The following LIPA variants were observed in gnomAD, a reference collection of about 807,000 sequenced individuals.
LIPA encodes lysosomal acid lipase/cholesteryl ester hydrolase.
A neutral mutation model predicts 40.6 loss-of-function variants in LIPA; 26 were observed. The observed-to-expected ratio is 0.64, with a 90% CI of 0.47 to 0.89. The LOEUF (loss-of-function observed/expected upper bound fraction) is 0.89. Among genes scored for constraint, LIPA ranks in the 40% least tolerant of loss-of-function variants. The pLI, the probability that LIPA is intolerant of heterozygous loss-of-function variation, is 0.00. For synonymous variants in LIPA, 188 were observed against 168.4 expected (o/e 1.12, Z -0.90); for missense variants, 455 against 479.6 (o/e 0.95, Z 0.48).
chr10:89,395,970 TTATC>T (rs1432445166), intron 2 of LIPA, among the ~76,000 whole-genome samples: 2 of 152,232 alleles, frequency 1.3e-5, no homozygotes, highest in Admixed American at 1.3e-4. Context: ...TTACATTTTT[TTATC>T]TATCAGTTGG....
intron 2 of LIPA, among the ~76,000 whole-genome samples, chr10:89,353,653 GT>G (rs1843971976): frequency 1.3e-5 from 2 of 152,172 alleles, no homozygotes; most frequent in African/African-American, 4.8e-5. Flanking sequence ...AATCTCTTAA[GT>G]TACCCACTTG....
intron 1 of LIPA, among the ~76,000 whole-genome samples, chr10:89,280,173 C>T (rs1843307872): frequency 6.6e-6 from 1 of 152,048 alleles, no homozygotes; most frequent in Admixed American, 6.5e-5. Context: ...GTGATTAAAG[C>T]ACATTATGAT....
intron 3 of LIPA, 50 bp from the exon 4 acceptor site, chr10:89,228,448 A>C: frequency 7.1e-7 from 1 of 1,416,806 alleles, no homozygotes; most frequent in African/African-American, 1.4e-5. Flanking sequence ...CTTCAAAACA[A>C]ATATGATATC....
At chr10:89,265,175 G>A (rs1202600100) in intron 1 of LIPA, among the ~76,000 whole-genome samples, 1 of 151,300 alleles carries the variant, frequency 6.6e-6, no homozygotes. Context: ...AGGCACTTCT[G>A]AGCTTGCAGG....
At chr10:89,367,895 T>C (rs1316209437) in intron 2 of LIPA, among the ~76,000 whole-genome samples, 2 of 152,180 alleles carry the variant, frequency 1.3e-5, no homozygotes, top group Non-Finnish European at 2.9e-5. Context: ...CATAGCTCGA[T>C]GCAGCCTCGA....
At chr10:89,352,619 C>G (rs1843965745) in intron 2 of LIPA, among the ~76,000 whole-genome samples, 1 of 151,942 alleles carries the variant, frequency 6.6e-6, no homozygotes, top group African/African-American at 2.4e-5. Flanking sequence ...TTTTTCCTGC[C>G]CACTGCACAA....
intron 3 of LIPA, among the ~76,000 whole-genome samples, chr10:89,230,573 G>A (rs976627301): frequency 7.2e-5 from 11 of 152,174 alleles, no homozygotes; most frequent in Non-Finnish European, 1.3e-4. Flanking sequence ...CCCAAAGTGC[G>A]GGGTTTACAG....
chr10:89,403,960 A>G, intron 2 of LIPA: 1 of 362,102 alleles, frequency 2.8e-6, no homozygotes, highest in South Asian at 8.8e-5. Flanking sequence ...TTAACTTTGT[A>G]GGAAATAAAA....
chr10:89,289,113 A>G (rs1055583124), intron 1 of LIPA, among the ~76,000 whole-genome samples: 2 of 61,398 alleles, frequency 3.3e-5, no homozygotes, highest in African/African-American at 9.8e-5. Flanking sequence ...CTCCTTCTCA[A>G]TGGTCACTCC....
At chr10:89,332,395 A>G in intron 1 of LIPA, 2 of 1,036,326 alleles carry the variant, frequency 1.9e-6, no homozygotes, top group Non-Finnish European at 2.6e-6. Flanking sequence ...TGTCTGGAAC[A>G]TGTTCCTGGC....
intron 1 of LIPA, among the ~76,000 whole-genome samples, chr10:89,272,144 A>G (rs529088398): frequency 1.3e-5 from 2 of 152,174 alleles, no homozygotes; most frequent in East Asian, 1.9e-4. Context: ...GGTTTGTTAC[A>G]TAGGTAAATG....
At chr10:89,392,918 T>C (rs548784611) in intron 2 of LIPA, among the ~76,000 whole-genome samples, 1 of 152,340 alleles carries the variant, frequency 6.6e-6, no homozygotes, top group East Asian at 1.9e-4. Flanking sequence ...TTTTTATGTT[T>C]GTTAGCATGA....
At chr10:89,220,181 T>A (rs1348377988) in intron 8 of LIPA, among the ~76,000 whole-genome samples, 1 of 152,186 alleles carries the variant, frequency 6.6e-6, no homozygotes, top group Non-Finnish European at 1.5e-5. Flanking sequence ...CAAGGGCCTC[T>A]GACATCCCAG....
chr10:89,245,209 T>A (rs891017710), intron 3 of LIPA, among the ~76,000 whole-genome samples: 1 of 152,114 alleles, frequency 6.6e-6, no homozygotes, highest in African/African-American at 2.4e-5. Flanking sequence ...TTGTTTCTAA[T>A]GAGATTTTTG....
intron 1 of LIPA, chr10:89,306,277 G>C: frequency 1.2e-6 from 2 of 1,614,130 alleles, no homozygotes; most frequent in Non-Finnish European, 1.7e-6. Context: ...ACTATCACAT[G>C]GGCCGACTCT....
chr10:89,229,544 A>G (rs900840635), intron 3 of LIPA, among the ~76,000 whole-genome samples: 1 of 152,218 alleles, frequency 6.6e-6, no homozygotes, highest in Non-Finnish European at 1.5e-5. Flanking sequence ...TGAGGTCAGT[A>G]GTTCGAGACT....
intron 2 of LIPA, among the ~76,000 whole-genome samples, chr10:89,375,588 T>G (rs945733771): frequency 6.6e-6 from 1 of 152,156 alleles, no homozygotes; most frequent in Non-Finnish European, 1.5e-5. Flanking sequence ...AGAAGGTTTT[T>G]TCTAATGGCC....
chr10:89,333,963 G>A (rs1023608189), intron 1 of LIPA, among the ~76,000 whole-genome samples: 2 of 152,234 alleles, frequency 1.3e-5, no homozygotes, highest in African/African-American at 4.8e-5. Flanking sequence ...CTGAAGTGAT[G>A]GACTCCTTGG....
At chr10:89,370,245 G>C (rs1844084598) in intron 2 of LIPA, among the ~76,000 whole-genome samples, 1 of 150,520 alleles carries the variant, frequency 6.6e-6, no homozygotes, top group South Asian at 2.1e-4. Flanking sequence ...TTTTTTCTGA[G>C]ACAGGATCTG....
Sources: gnomAD v4.1 joint callset for allele counts (sites outside exome capture counted in the v4.1 genomes callset) on GRCh38, gnomAD v4.1.1 for gene constraint, MANE v1.5 for transcripts, NCBI Gene and HGNC (gene_info 2026-07-23, HGNC 2026-07-21) for gene names.